The following GPC1 variants were observed in gnomAD, a reference collection of about 807,000 sequenced individuals.
The protein encoded by GPC1 is glypican-1.
In GPC1, 26 loss-of-function variants were observed where a neutral mutation model predicts 51.5. The observed-to-expected ratio is 0.50, with a 90% CI of 0.37 to 0.70. The LOEUF (loss-of-function observed/expected upper bound fraction) is 0.70, where lower values mean the gene tolerates loss of function less well. Among genes scored for constraint, GPC1 ranks in the 30% least tolerant of loss-of-function variants. GPC1 has a pLI of 0.00. For missense variants in GPC1, 775 were observed against 800.5 expected, an observed-to-expected ratio of 0.97 and a Z score of 0.38; for synonymous variants, 380 against 348.3, an observed-to-expected ratio of 1.09 and a Z score of -1.01.
chr2:240,451,166 T>A, intron 1 of GPC1: 1 of 471,112 alleles, frequency 2.1e-6, no homozygotes, highest in Non-Finnish European at 4.4e-6. Context: ...CTTGGCGGGC[T>A]CCCTCCAGAG....
At chr2:240,461,009 G>C (rs2074210506) in intron 2 of GPC1, among the ~76,000 whole-genome samples, 1 of 152,236 alleles carries the variant, frequency 6.6e-6, no homozygotes, top group Non-Finnish European at 1.5e-5. Flanking sequence ...GCCTTCAGGA[G>C]CAGCTGAATG....
Position 240,462,255 on chromosome 2 carries a change from C to T in GPC1, c.390C>T (p.Phe130=), listed in dbSNP as rs1004812451. ...RTLQATFPGA[F]GELYTQNARA... ...TGCAGGCCACCTTCCCCGGCGCCTT[C>T]GGAGAGCTGTACACGCAGAACGCGA... The change falls in exon 3 of 9, where the codon TTC becomes TTT. Residue 130 remains phenylalanine, a synonymous_variant. Transcript: ENST00000264039. 1.2e-5 allele frequency: 19 copies of T among 1,610,728 alleles called. No homozygotes were observed. Among genetic ancestry groups the T allele is most frequent in the Admixed American group, 3.3e-5 (2 of 59,864 alleles).
intron 1 of GPC1, chr2:240,458,500 C>G (rs948596346): frequency 2.8e-5 from 5 of 180,448 alleles, no homozygotes; most frequent in African/African-American, 1.2e-4. Flanking sequence ...GCCCCCATAC[C>G]AGACTCGTGC....
chr2:240,441,086 A>G (rs2074013908), intron 1 of GPC1, among the ~76,000 whole-genome samples: 1 of 152,260 alleles, frequency 6.6e-6, no homozygotes, highest in Non-Finnish European at 1.5e-5. Context: ...GTACCTTCAC[A>G]CCAGCAATCT....
intron 2 of GPC1, among the ~76,000 whole-genome samples, chr2:240,460,403 A>AC (rs2074206345): frequency 6.6e-6 from 1 of 151,566 alleles, no homozygotes; most frequent in Admixed American, 6.6e-5. Flanking sequence ...GACCCGGCTC[A>AC]CCTCCTCCAC....
At chr2:240,462,869 G>A (rs1168217138) in intron 3 of GPC1, among the ~76,000 whole-genome samples, 3 of 152,262 alleles carry the variant, frequency 2.0e-5, no homozygotes, top group South Asian at 2.1e-4. Flanking sequence ...GGGGCTGGAC[G>A]CTGAGCCAGG....
rs1027918495 is a variant in GPC1 at position 240,465,925 on chromosome 2, G to A, written c.1445-133G>A. On this transcript the variant is annotated intron_variant, in intron 8 of 8. Transcript: ENST00000264039. ...TCTCCCAGCCTCAGGGGTCAGCGGG[G>A]ATCAGGTGCTGCTGGTCCTGGGATT... 4.7e-6 allele frequency: 3 copies of A among 641,742 alleles called. No homozygotes were observed. The African/African-American group carries it at 5.4e-5, about 12-fold the overall frequency. 39.8% of individuals were successfully genotyped at this position (641,742 alleles called of 1,614,324 possible).
chr2:240,466,403 C>T lies in GPC1; in HGVS notation c.*113C>T, dbSNP rs544473004. 12 of 659,676 alleles carry T rather than the reference C, an allele frequency of 1.8e-5. No homozygotes were observed. Among genetic ancestry groups the T allele is most frequent in the Admixed American group, 2.7e-5 (1 of 36,490 alleles). The allele number at this position is 659,676 out of a possible 1,614,324, so 40.9% of individuals were successfully genotyped here. On this transcript the variant is annotated 3_prime_UTR_variant, in exon 9 of 9. Coordinates refer to ENST00000264039, the MANE Select transcript of GPC1 (RefSeq NM_002081.3). The stretch of plus-strand genomic sequence containing the variant: ...AGGCCTGGGGTGGGACAGGGAGGGC[C>T]GGCGGCTCTGAGCAGGGGCAGGCGC...
chr2:240,450,346 T>A, intron 1 of GPC1: 1 of 339,274 alleles, frequency 2.9e-6, no homozygotes, highest in South Asian at 2.2e-5. Flanking sequence ...GCTCAGGAAT[T>A]CCCCTGGGAT....
intron 1 of GPC1, among the ~76,000 whole-genome samples, chr2:240,441,753 G>A (rs2151785812): frequency 6.6e-6 from 1 of 152,358 alleles, no homozygotes. Context: ...CTCCTGACGG[G>A]GTGGGGGGTG....
At chr2:240,436,918 C>G (rs901852150) in intron 1 of GPC1, among the ~76,000 whole-genome samples, 1 of 152,280 alleles carries the variant, frequency 6.6e-6, no homozygotes, top group Non-Finnish European at 1.5e-5. Context: ...TGCCTCTTCC[C>G]TCCCTGTGGT....
In GPC1 at chr2:240,466,120, G is replaced by T. The variant is rs752505184; in HGVS notation, c.1507G>T (p.Val503Phe). Residue 503 changes from valine to phenylalanine, a missense_variant, in exon 9 of 9, where the codon GTC becomes TTC. Val to Phe is a conservative substitution (Grantham distance 50, BLOSUM62 -1). Coordinates refer to ENST00000264039, the MANE Select transcript of GPC1 (RefSeq NM_002081.3). ...GCLDDLCSRK[V>F]SRKSSSSRTP... ...TCTGGATGACCTCTGCAGCCGGAAGGTCAGCAGGAAGAGCTCCAGCTCCCG... is the reference window on the plus strand; with the variant it reads ...TCTGGATGACCTCTGCAGCCGGAAGTTCAGCAGGAAGAGCTCCAGCTCCCG... The T allele has an allele frequency of 4.5e-5, 72 of 1,612,858 alleles. No individual in the cohort carries two copies. Among genetic ancestry groups the T allele is most frequent in the Non-Finnish European group, 5.6e-5 (66 of 1,179,910 alleles).
At chr2:240,453,638 C>G (rs1161913514) in intron 1 of GPC1, among the ~76,000 whole-genome samples, 1 of 147,934 alleles carries the variant, frequency 6.8e-6, no homozygotes, top group East Asian at 2.0e-4. Context: ...CCGCAGCCCC[C>G]TCTCCCCGCC....
At chr2:240,437,038 C>G (rs2073988817) in intron 1 of GPC1, among the ~76,000 whole-genome samples, 3 of 152,250 alleles carry the variant, frequency 2.0e-5, no homozygotes, top group Admixed American at 2.0e-4. Flanking sequence ...GGGAACCAAC[C>G]TCGGTCTGTA....
In GPC1 at chr2:240,466,434, TCCCAGC is replaced by T. The variant is rs1397577567; in HGVS notation, c.*150_*155del. The T allele has an allele frequency of 3.4e-6, 2 of 593,274 alleles. No homozygotes were observed. The highest frequency in any genetic ancestry group is 6.0e-6 in the Non-Finnish European group (2 of 331,052). The allele number at this position is 593,274 out of a possible 1,614,324, so 36.8% of individuals were successfully genotyped here. A position where few individuals can be genotyped will look rare whatever the true frequency, so the allele number is the denominator to read the frequency against. On this transcript the variant is annotated 3_prime_UTR_variant, in exon 9 of 9. Transcript: ENST00000264039. ...CTCTGAGCAGGGGCAGGCGCAGAGGTCCCAGCCCCAGGCCTGGCCTCGCCTGCCTTT... is the reference window on the plus strand; with the variant it reads ...CTCTGAGCAGGGGCAGGCGCAGAGGTCCCAGGCCTGGCCTCGCCTGCCTTT...
intron 4 of GPC1, 57 bp downstream of exon 4, chr2:240,463,569 G>C (rs2074235538): frequency 6.7e-7 from 1 of 1,483,972 alleles, no homozygotes; most frequent in Non-Finnish European, 9.3e-7. Context: ...CACGACTGGG[G>C]GTCCTGGGGG....
Position 240,465,489 on chromosome 2 carries a change from A to G in GPC1, c.1285A>G (p.Met429Val), listed in dbSNP as rs201849980. ...MARGRYLPEV[M>V]GDGLANQINN... is the part of the protein sequence containing the mutation. Reference sequence around the variant, plus strand: ...TTCCCCCAGGTACCTCCCCGAGGTCATGGGTGACGGCCTGGCCAACCAGAT... The same window carrying G: ...TTCCCCCAGGTACCTCCCCGAGGTCGTGGGTGACGGCCTGGCCAACCAGAT... Residue 429 changes from methionine (M) to valine (V), a missense_variant, in exon 8 of 9, where the codon ATG becomes GTG. Physicochemically the swap from Met to Val is conservative, Grantham distance 21. Coordinates refer to ENST00000264039, the MANE Select transcript of GPC1 (RefSeq NM_002081.3). 152 of 1,612,930 alleles carry G rather than the reference A, an allele frequency of 9.4e-5. 1 individual carries two copies. The highest frequency in any genetic ancestry group is 9.7e-5 in the Non-Finnish European group (114 of 1,179,950).
At chr2:240,462,679 G>T (rs2074227224) in intron 3 of GPC1, 97 bp downstream of exon 3, 2 of 1,144,836 alleles carry the variant, frequency 1.7e-6, no homozygotes, top group Non-Finnish European at 2.4e-6. Flanking sequence ...CTGTGCCCCT[G>T]GGCCTCTGGG....
At chr2:240,456,274 CCTCACCT>C (rs2074162490) in intron 1 of GPC1, among the ~76,000 whole-genome samples, 1 of 152,068 alleles carries the variant, frequency 6.6e-6, no homozygotes, top group African/African-American at 2.4e-5. Flanking sequence ...GTGTTTCGGG[CCTCACCT>C]CTCCATGCCT....
Sources: allele counts gnomAD v4.1 joint callset (sites outside exome capture counted in the v4.1 genomes callset), GRCh38; gene constraint gnomAD v4.1.1; transcripts MANE v1.5; gene names NCBI Gene and HGNC (gene_info 2026-07-23, HGNC 2026-07-21).